The following CENPP variants were observed in gnomAD, a reference collection of about 807,000 sequenced individuals.
The protein encoded by CENPP is centromere protein P.
CENPP carries 24 observed loss-of-function variants against 35.6 expected under a neutral mutation model. That is an observed-to-expected ratio of 0.67 (90% CI 0.49 to 0.95). The LOEUF is 0.95. Ranked by LOEUF, CENPP falls within the 40% of genes least tolerant of loss-of-function variation. CENPP has a pLI of 0.00. For missense variants in CENPP, 332 were observed against 345.3 expected, an observed-to-expected ratio of 0.96 and a Z score of 0.31; for synonymous variants, 120 against 125.5, an observed-to-expected ratio of 0.96 and a Z score of 0.29.
chr9:92,527,528 G>T (rs963393551), intron 5 of CENPP, among the ~76,000 whole-genome samples: 2 of 152,120 alleles, frequency 1.3e-5, no homozygotes, highest in African/African-American at 4.8e-5. Context: ...TATCCTTGTC[G>T]CTAAGTGACA....
intron 5 of CENPP, among the ~76,000 whole-genome samples, chr9:92,605,231 C>G (rs181438317): frequency 1.2e-4 from 18 of 152,320 alleles, no homozygotes; most frequent in African/African-American, 4.3e-4. Flanking sequence ...TCAAGTGATC[C>G]ACCTGCCTTG....
chr9:92,611,749 G>GA (rs1851258385), intron 6 of CENPP, among the ~76,000 whole-genome samples: 1 of 152,174 alleles, frequency 6.6e-6, no homozygotes, highest in African/African-American at 2.4e-5. Context: ...GCAATGAGAA[G>GA]AAACAGGACA....
intron 5 of CENPP, among the ~76,000 whole-genome samples, chr9:92,503,298 A>T (rs6479423): frequency 0.4 from 61,075 of 152,062 alleles, 14,281 homozygotes; most frequent in African/African-American, 0.64. Flanking sequence ...CAGATATTTT[A>T]ATCTCTACTT....
At chr9:92,453,609 A>G (rs535420385) in intron 5 of CENPP, among the ~76,000 whole-genome samples, 10 of 152,252 alleles carry the variant, frequency 6.6e-5, no homozygotes, top group African/African-American at 1.4e-4. Flanking sequence ...GTAGATGTCT[A>G]TTAGAGACTT....
Position 92,492,387 on chromosome 9 carries a change from T to G in CENPP, c.564+112528T>G, listed in dbSNP as rs552741824. Among the ~76,000 whole-genome samples the G allele has an allele frequency of 2.8e-4, 43 of 152,372 alleles. No homozygotes were observed. The South Asian group carries it at 8.9e-3, about 32-fold the overall frequency. ...AATAATTATGTGTGAGTGGGAATAA[T>G]CGTCTTGATGACCCCTGGAGGTGTC... On this transcript the variant is annotated intron_variant, in intron 5 of 7. Coordinates refer to ENST00000375587, the MANE Select transcript of CENPP (RefSeq NM_001012267.3).
Position 92,403,976 on chromosome 9 carries a change from C to T in CENPP, c.564+24117C>T, listed in dbSNP as rs543820559. On this transcript the variant is annotated intron_variant, in intron 5 of 7. Transcript: ENST00000375587. ...GGTACAGAATATAGGAAAAGCCATA[C>T]GTTTTTAATTTTCTTAGTTTTGTAA... 3.5e-4 allele frequency among the ~76,000 whole-genome samples: 53 copies of T among 152,084 alleles called. 2 individuals carry two copies. The highest frequency in any genetic ancestry group is 1.3e-3 in the African/African-American group (52 of 41,412).
In CENPP at chr9:92,386,776, G is replaced by A. The variant is rs530910194; in HGVS notation, c.564+6917G>A. ...CTTGTATGTTTTTAGTAGAGACGAG[G>A]TTTCACCATGTTGGCTGGTATGGTA... is the stretch of plus-strand genomic sequence containing the variant. On this transcript the variant is annotated intron_variant, in intron 5 of 7. Coordinates refer to ENST00000375587, the MANE Select transcript of CENPP (RefSeq NM_001012267.3). 4.6e-3 allele frequency among the ~76,000 whole-genome samples: 704 copies of A among 152,108 alleles called. 5 individuals are homozygous for A. Among genetic ancestry groups the A allele is most frequent in the Non-Finnish European group, 7.4e-3 (500 of 67,996 alleles).
At chr9:92,565,293 TAAAAAAAA>T (rs3078380) in intron 5 of CENPP, among the ~76,000 whole-genome samples, 29 of 33,160 alleles carry the variant, frequency 8.7e-4, no homozygotes, top group East Asian at 7.2e-3. Context: ...GCTGATGAGC[TAAAAAAAA>T]AAAAAAAAAA....
chr9:92,384,621 CAGAA>C (rs1248602177), intron 5 of CENPP: 1 of 152,056 alleles, frequency 6.6e-6, no homozygotes, highest in East Asian at 1.9e-4. Context: ...CATGAGTAAT[CAGAA>C]AGTGTTACTC....
intron 5 of CENPP, among the ~76,000 whole-genome samples, chr9:92,440,387 C>A (rs200203428): frequency 3.1e-4 from 30 of 96,894 alleles, no homozygotes; most frequent in African/African-American, 6.5e-4. Flanking sequence ...ATAAATAAAT[C>A]ACAAGAAAAC....
At chr9:92,383,079 A>G (rs1255034820) in intron 5 of CENPP, among the ~76,000 whole-genome samples, 5 of 151,596 alleles carry the variant, frequency 3.3e-5, no homozygotes, top group Non-Finnish European at 2.9e-5. Context: ...GGAATTTTTA[A>G]TAGAGACAGA....
rs2131409320 is a variant in CENPP, at chr9:92,616,159, T to C, written c.*3010T>C. 3.7e-6 allele frequency: 3 copies of C among 810,704 alleles called. No homozygotes were observed. In the South Asian group the frequency reaches 5.4e-5, roughly 15 times the overall value. 50.2% of individuals were successfully genotyped at this position (810,704 alleles called of 1,614,324 possible). A position where few individuals can be genotyped will look rare whatever the true frequency, so the allele number is the denominator to read the frequency against. Reference sequence around the variant, plus strand: ...TTCTTTCAACTAGTATGTTTTTATGTTTTTTCTTTGACTTCTGCAAAGTTA... The same window carrying C: ...TTCTTTCAACTAGTATGTTTTTATGCTTTTTCTTTGACTTCTGCAAAGTTA... On this transcript the variant is annotated 3_prime_UTR_variant, in exon 8 of 8. Transcript: ENST00000375587.
At chr9:92,599,298 A>G (rs1850852265) in intron 5 of CENPP, among the ~76,000 whole-genome samples, 1 of 152,184 alleles carries the variant, frequency 6.6e-6, no homozygotes, top group African/African-American at 2.4e-5. Flanking sequence ...TCTTAGGCTT[A>G]GGGGCTAAGG....
chr9:92,409,672 T>G (rs913394937), intron 5 of CENPP, among the ~76,000 whole-genome samples: 1 of 152,204 alleles, frequency 6.6e-6, no homozygotes, highest in Non-Finnish European at 1.5e-5. Flanking sequence ...ATTAAATGGG[T>G]TTATGGTGCA....
chr9:92,450,441 C>T (rs1329552569), intron 5 of CENPP, among the ~76,000 whole-genome samples: 1 of 152,062 alleles, frequency 6.6e-6, no homozygotes, highest in Non-Finnish European at 1.5e-5. Context: ...TTTTTTATGG[C>T]TGCATAGTAT....
rs747616131 is a variant in CENPP at position 92,611,329 on chromosome 9, G to A, written c.580G>A (p.Ala194Thr). 11 of 1,613,770 alleles carry A rather than the reference G, an allele frequency of 6.8e-6. No homozygotes were observed. The South Asian group carries it at 1.1e-4, about 16-fold the overall frequency. The change falls in exon 6 of 8, where the codon GCC (alanine) becomes ACC (threonine). Residue 194 changes from alanine to threonine, a missense_variant. By Grantham distance (58) the Ala-to-Thr change is moderately conservative. Coordinates refer to ENST00000375587, the MANE Select transcript of CENPP (RefSeq NM_001012267.3). ...CCCCATGCAGGAAAAGTACCCAGATGCCGTGTACCTCTCGGAGGGGCCCTC... is the reference window on the plus strand; with the variant it reads ...CCCCATGCAGGAAAAGTACCCAGATACCGTGTACCTCTCGGAGGGGCCCTC... Reference protein sequence around the residue: ...FKHLKEKYPDAVYLSEGPSSC... With the variant: ...FKHLKEKYPDTVYLSEGPSSC...
intron 5 of CENPP, among the ~76,000 whole-genome samples, chr9:92,497,362 C>T (rs1846405025): frequency 6.6e-6 from 1 of 152,248 alleles, no homozygotes; most frequent in East Asian, 1.9e-4. Flanking sequence ...TGGTGGCTCA[C>T]ACCTGTCATC....
chr9:92,619,374 T>G lies in CENPP; in HGVS notation c.*6225T>G. 1 of 830,558 alleles carries G rather than the reference T, an allele frequency of 1.2e-6. No individual in the cohort carries two copies. Among genetic ancestry groups the G allele is most frequent in the South Asian group, 1.5e-5 (1 of 65,596 alleles). The allele number at this position is 830,558 out of a possible 1,614,324, so 51.4% of individuals were successfully genotyped here. The stretch of plus-strand genomic sequence containing the variant: ...ACATAGGCCAAGGAAGTTATGTCAC[T>G]CCGCCATGGAGTCTCTAAATATGGG... On this transcript the variant is annotated 3_prime_UTR_variant, in exon 8 of 8. Transcript: ENST00000375587.
At chr9:92,591,620 A>T (rs1484312796) in intron 5 of CENPP, among the ~76,000 whole-genome samples, 1 of 151,756 alleles carries the variant, frequency 6.6e-6, no homozygotes, top group Non-Finnish European at 1.5e-5. Flanking sequence ...AATAAAATAG[A>T]TGATATGTTC....
Sources: allele counts gnomAD v4.1 joint callset (sites outside exome capture counted in the v4.1 genomes callset), GRCh38; gene constraint gnomAD v4.1.1; transcripts MANE v1.5; gene names NCBI Gene and HGNC (gene_info 2026-07-23, HGNC 2026-07-21).